PIP5KL1: variants seen among roughly 807,000 people sequenced by gnomAD.
PIP5KL1 encodes the protein phosphatidylinositol-4-phosphate 5-kinase like 1.
Under a neutral mutation model 47.6 loss-of-function variants are expected in PIP5KL1, and 45 were observed. That is an observed-to-expected ratio of 0.94 (90% CI 0.74 to 1.21). The LOEUF is 1.21. Among genes scored for constraint, PIP5KL1 ranks in the 50% most tolerant of loss-of-function variants. PIP5KL1 has a pLI of 0.00. For synonymous variants in PIP5KL1, 256 were observed against 234.6 expected, an observed-to-expected ratio of 1.09 and a Z score of -0.84; for missense variants, 577 against 547.6, an observed-to-expected ratio of 1.05 and a Z score of -0.54.
chr9:127,922,110 C>A lies in PIP5KL1; in HGVS notation c.922G>T (p.Val308Leu). ...SSLIFRTARSVQGAQSPEESR... is the reference protein window; with the variant it reads ...SSLIFRTARSLQGAQSPEESR... ...TCTTCCGGGCTCTGTGCCCCTTGCA[C>A]AGACCTGGGGGCCGACAGGAGGGTG... The change falls in exon 10 of 10, where the codon GTG becomes TTG. Residue 308 changes from valine to leucine, a missense_variant. Val to Leu is a conservative substitution (Grantham distance 32, BLOSUM62 1). Transcript: ENST00000388747. 1 of 1,519,694 alleles carries A rather than the reference C, an allele frequency of 6.6e-7. No homozygotes were observed. The highest frequency in any genetic ancestry group is 8.8e-7 in the Non-Finnish European group (1 of 1,132,294). 94.1% of individuals were successfully genotyped at this position (1,519,694 alleles called of 1,614,324 possible). A position where few individuals can be genotyped will look rare whatever the true frequency, so the allele number is the denominator to read the frequency against.
intron 9 of PIP5KL1, among the ~76,000 whole-genome samples, chr9:127,922,706 A>AAG (rs1554720837): frequency 1.3e-4 from 19 of 146,176 alleles, no homozygotes; most frequent in South Asian, 2.1e-4. Flanking sequence ...AAAAAAAAAA[A>AAG]AAAAAGAAAA....
chr9:127,926,449 G>T (rs776169251), intron 7 of PIP5KL1, among the ~76,000 whole-genome samples: 4 of 152,012 alleles, frequency 2.6e-5, no homozygotes, highest in Non-Finnish European at 5.9e-5. Flanking sequence ...TAGAGGCAGG[G>T]TCTCACTCTA....
At position 127,927,792 on chromosome 9, in the gene PIP5KL1, G is replaced by A; in HGVS notation, c.435-20C>T. 1.3e-6 allele frequency: 2 copies of A among 1,555,984 alleles called. No homozygotes were observed. The highest frequency in any genetic ancestry group is 2.4e-5 in the East Asian group (1 of 41,526). On this transcript the variant is annotated intron_variant, in intron 4 of 9. Transcript: ENST00000388747. This position sits in a 1 kb window ranked among gnomAD's most constrained non-coding sequence, Gnocchi z 5.5. The stretch of plus-strand genomic sequence containing the variant: ...TCGTGGCTGGGGGGCAAGAGAAAGA[G>A]GTCACTGCCCAGGCCTGGCTGGAGC...
Position 127,924,788 on chromosome 9 carries a change from A to T in PIP5KL1, c.917+319T>A, listed in dbSNP as rs115436789. 7.4e-3 allele frequency among the ~76,000 whole-genome samples: 1,125 copies of T among 152,198 alleles called. 14 individuals carry two copies. Among genetic ancestry groups the T allele is most frequent in the African/African-American group, 0.026 (1,072 of 41,520 alleles). ...AAATAGTCACCAAAGCTCTTCTCCA[A>T]CTGGACTTCATCTGTTCTGTCCCCT... On this transcript the variant is annotated intron_variant, in intron 9 of 9. Transcript: ENST00000388747.
At position 127,928,161 on chromosome 9, in the gene PIP5KL1, C is replaced by T; in HGVS notation, c.338G>A (p.Gly113Asp). 1 of 1,540,474 alleles carries T rather than the reference C, an allele frequency of 6.5e-7. No homozygotes were observed. Among genetic ancestry groups the T allele is most frequent in the Non-Finnish European group, 8.7e-7 (1 of 1,143,826 alleles). ...PAFAWLRRSL[G>D]LAEEDYQAAL... ...AGCCTGATAGTCCTCCTCCGCCAGG[C>T]CCAGGGAGCGGCGCAGCCAGGCAAA... Residue 113 changes from glycine to aspartate, a missense_variant, in exon 4 of 10, where the codon GGC (glycine) becomes GAC (aspartate). Physicochemically the swap from Gly to Asp is moderately conservative, Grantham distance 94. Coordinates refer to ENST00000388747, the MANE Select transcript of PIP5KL1 (RefSeq NM_001135219.2).
In PIP5KL1 at chr9:127,927,683, T is replaced by C. The variant is rs988287361; in HGVS notation, c.524A>G (p.Gln175Arg). 2 of 1,544,332 alleles carry C rather than the reference T, an allele frequency of 1.3e-6. No homozygotes were observed. Among genetic ancestry groups the C allele is most frequent in the East Asian group, 2.4e-5 (1 of 40,852 alleles). Reference protein sequence around the residue: ...AHLPRYVQHLQRHPHSLLARL... With the variant: ...AHLPRYVQHLRRHPHSLLARL... ...CGCCAGCAGCGAGTGCGGGTGCCGC[T>C]GCAGGTGCTGCACGTAGCGGGGCAG... The change falls in exon 5 of 10, where the codon CAG becomes CGG. Residue 175 changes from glutamine (Q) to arginine (R), a missense_variant. Transcript: ENST00000388747. The surrounding 1 kb of genome is among the most constrained non-coding windows in gnomAD (Gnocchi z 5.5).
Position 127,921,817 on chromosome 9 carries a change from C to A in PIP5KL1, c.*30G>T, listed in dbSNP as rs1420884649. On this transcript the variant is annotated 3_prime_UTR_variant, in exon 10 of 10. Transcript: ENST00000388747. ...GGCGTTCCTGGCGTGAGCCCATCGTCCAGATCCGGAGAGTGGGGCCGGGCG... is the reference window on the plus strand; with the variant it reads ...GGCGTTCCTGGCGTGAGCCCATCGTACAGATCCGGAGAGTGGGGCCGGGCG... 1.3e-6 allele frequency: 2 copies of A among 1,556,016 alleles called. No individual in the cohort carries two copies. The highest frequency in any genetic ancestry group is 1.8e-5 in the Admixed American group (1 of 54,444).
chr9:127,927,258 G>C lies in PIP5KL1; in HGVS notation c.594+39C>G, dbSNP rs770666251. ...GGAGGCCGGCTGTCGCCCTCCAGCC[G>C]CCCGCTCCGCCCAGCCACCTCGCCT... On this transcript the variant is annotated intron_variant, in intron 6 of 9. Coordinates refer to ENST00000388747, the MANE Select transcript of PIP5KL1 (RefSeq NM_001135219.2). This position sits in a 1 kb window ranked among gnomAD's most constrained non-coding sequence, Gnocchi z 5.5. 6.2e-7 allele frequency: 1 copy of C among 1,610,740 alleles called. No individual in the cohort carries two copies. The highest frequency in any genetic ancestry group is 1.1e-5 in the South Asian group (1 of 90,598).
chr9:127,924,352 T>C (rs1588683299), intron 9 of PIP5KL1, among the ~76,000 whole-genome samples: 3 of 152,194 alleles, frequency 2.0e-5, no homozygotes, highest in Admixed American at 2.0e-4. Context: ...TAGCCGGGCA[T>C]GCTGGTGTGT....
chr9:127,925,423 C>T (rs542905264), intron 8 of PIP5KL1, 163 bp from the exon 9 acceptor site: 7 of 733,158 alleles, frequency 9.5e-6, no homozygotes, highest in Non-Finnish European at 1.5e-5. Context: ...AGTCATGGAG[C>T]CTGAATTTGA....
rs746557262 is a variant in PIP5KL1 at position 127,929,765 on chromosome 9, C to T, written c.151G>A (p.Glu51Lys). ...ATCATGCACGTCATCCCATGCAGTT[C>T]ATGCCCCGGGCTGATCTCAAACAGG... Reference protein sequence around the residue: ...LGLFEISPGHELHGMTCMMQA... With the variant: ...LGLFEISPGHKLHGMTCMMQA... The change falls in exon 2 of 10, where the codon GAA (glutamate) becomes AAA (lysine). Residue 51 changes from glutamate (E) to lysine (K), a missense_variant. By Grantham distance (56) the Glu-to-Lys change is moderately conservative. Coordinates refer to ENST00000388747, the MANE Select transcript of PIP5KL1 (RefSeq NM_001135219.2). This position sits in a 1 kb window ranked among gnomAD's most constrained non-coding sequence, Gnocchi z 4.0. 3 of 1,574,558 alleles carry T rather than the reference C, an allele frequency of 1.9e-6. No homozygotes were observed. Among genetic ancestry groups the T allele is most frequent in the East Asian group, 2.3e-5 (1 of 42,726 alleles).
chr9:127,925,519 G>A (rs1026050122), intron 8 of PIP5KL1: 1 of 494,094 alleles, frequency 2.0e-6, no homozygotes, highest in Non-Finnish European at 3.6e-6. Flanking sequence ...AGGCTGGAGT[G>A]CAGTGGCGCC....
Position 127,927,142 on chromosome 9 carries a change from A to G in PIP5KL1, c.650+11T>C, listed in dbSNP as rs1554721203. 1 of 1,606,722 alleles carries G rather than the reference A, an allele frequency of 6.2e-7. No individual in the cohort carries two copies. The highest frequency in any genetic ancestry group is 8.5e-7 in the Non-Finnish European group (1 of 1,175,406). The stretch of plus-strand genomic sequence containing the variant: ...CTGGGATGGGGGCCCAAACCTGCTT[A>G]GGCCACTCACCTCTCGGAGATGCGG... On this transcript the variant is annotated intron_variant, in intron 7 of 9. Transcript: ENST00000388747. This position sits in a 1 kb window ranked among gnomAD's most constrained non-coding sequence, Gnocchi z 5.5.
At chr9:127,928,021 G>A (rs1564138494) in intron 4 of PIP5KL1, 44 bp downstream of exon 4, 13 of 1,487,480 alleles carry the variant, frequency 8.7e-6, no homozygotes, top group Non-Finnish European at 1.2e-5. Flanking sequence ...CTCCCAGCCA[G>A]GGGTACCACT....
rs574159038 is a variant in PIP5KL1 at position 127,926,142 on chromosome 9, C to T, written c.651-163G>A. 1.8e-4 allele frequency among the ~76,000 whole-genome samples: 28 copies of T among 151,722 alleles called. 1 individual carries two copies. Among genetic ancestry groups the T allele is most frequent in the Middle Eastern group, 3.2e-3 (1 of 312 alleles). On this transcript the variant is annotated intron_variant, in intron 7 of 9. Coordinates refer to ENST00000388747, the MANE Select transcript of PIP5KL1 (RefSeq NM_001135219.2). ...TTTTTCTCTTTCTTTCTTTCTTTCT[C>T]TCTTTTCTTTCTTTCTCTCTCTCTT...
chr9:127,927,061 G>T lies in PIP5KL1; in HGVS notation c.650+92C>A, dbSNP rs1388345352. 10 of 1,385,802 alleles carry T rather than the reference G, an allele frequency of 7.2e-6. No homozygotes were observed. Among genetic ancestry groups the T allele is most frequent in the Non-Finnish European group, 9.8e-6 (10 of 1,023,860 alleles). The allele number at this position is 1,385,802 out of a possible 1,614,324, so 85.8% of individuals were successfully genotyped here. A position where few individuals can be genotyped will look rare whatever the true frequency, so the allele number is the denominator to read the frequency against. ...TGGGAACGCCCCTTCTCCTTCCTGGGCCTCGGTTTCACCGTCTGGCTAGTG... is the reference window on the plus strand; with the variant it reads ...TGGGAACGCCCCTTCTCCTTCCTGGTCCTCGGTTTCACCGTCTGGCTAGTG... On this transcript the variant is annotated intron_variant, in intron 7 of 9. Transcript: ENST00000388747. The surrounding 1 kb of genome is among the most constrained non-coding windows in gnomAD (Gnocchi z 5.5).
rs779780993 is a variant in PIP5KL1 at position 127,922,075 on chromosome 9, G to A, written c.957C>T (p.Ala319=). ...QGAQSPEESR[A]QNRRLLPDAP... is the part of the protein sequence containing the mutation. ...CGTCGGGCAGCAGCCGGCGGTTTTG[G>A]GCTCTCGACTCTTCCGGGCTCTGTG... The change falls in exon 10 of 10, where the codon GCC becomes GCT. Residue 319 remains alanine (A), a synonymous_variant. Transcript: ENST00000388747. The A allele has an allele frequency of 8.3e-6, 13 of 1,559,908 alleles. No homozygotes were observed. Among genetic ancestry groups the A allele is most frequent in the Non-Finnish European group, 1.1e-5 (13 of 1,154,742 alleles).
chr9:127,927,832 C>T lies in PIP5KL1; in HGVS notation c.435-60G>A. The stretch of plus-strand genomic sequence containing the variant: ...CTGGCTGGAGCGGCTCCCACCCGGC[C>T]CCCTTCCCCGACCTGTGCACGTGGA... On this transcript the variant is annotated intron_variant, in intron 4 of 9. Coordinates refer to ENST00000388747, the MANE Select transcript of PIP5KL1 (RefSeq NM_001135219.2). The surrounding 1 kb of genome is among the most constrained non-coding windows in gnomAD (Gnocchi z 5.5). 6.6e-7 allele frequency: 1 copy of T among 1,524,564 alleles called. No individual in the cohort carries two copies. Among genetic ancestry groups the T allele is most frequent in the Non-Finnish European group, 8.8e-7 (1 of 1,140,998 alleles). 94.4% of individuals were successfully genotyped at this position (1,524,564 alleles called of 1,614,324 possible).
Position 127,927,155 on chromosome 9 carries a change from C to T in PIP5KL1, c.648G>A (p.Glu216=). The T allele has an allele frequency of 6.2e-7, 1 of 1,611,120 alleles. No individual in the cohort carries two copies. Among genetic ancestry groups the T allele is most frequent in the Non-Finnish European group, 8.5e-7 (1 of 1,178,350 alleles). The change falls in exon 7 of 10, where the codon GAG becomes GAA. Residue 216 remains glutamate (E), a splice_region_variant and synonymous_variant. Coordinates refer to ENST00000388747, the MANE Select transcript of PIP5KL1 (RefSeq NM_001135219.2). This position sits in a 1 kb window ranked among gnomAD's most constrained non-coding sequence, Gnocchi z 5.5. The part of the protein sequence containing the change: ...SVFYPAGRIS[E]RYDIKGCEVS... ...CCAAACCTGCTTAGGCCACTCACCT[C>T]TCGGAGATGCGGCCGGCGGGGTAGA...
Sources: allele counts gnomAD v4.1 joint callset (sites outside exome capture counted in the v4.1 genomes callset), GRCh38; gene constraint gnomAD v4.1.1; non-coding constraint Gnocchi (gnomAD v3.1); transcripts MANE v1.5; gene names NCBI Gene and HGNC (gene_info 2026-07-23, HGNC 2026-07-21).